The following PRR16 variants were observed in gnomAD, a reference collection of about 807,000 sequenced individuals.
PRR16 encodes proline rich 16, also known as protein Largen.
PRR16 carries 6 observed loss-of-function variants against 18.2 expected under a neutral mutation model. That is an observed-to-expected ratio of 0.33 (90% CI 0.18 to 0.65). PRR16 has a LOEUF of 0.65. Among genes scored for constraint, PRR16 ranks in the 30% least tolerant of loss-of-function variants. The probability of loss-of-function intolerance (pLI) is 0.74; values close to 1 mark genes in which losing one functional copy is unlikely to be tolerated. For synonymous variants in PRR16, 151 were observed against 147.8 expected (o/e 1.02, Z -0.16); for missense variants, 412 against 376.6 (o/e 1.09, Z -0.78).
chr5:120,782,421 A>ATT, the PRR16 span, among the ~76,000 whole-genome samples: 1 of 152,218 alleles, frequency 6.6e-6, no homozygotes, highest in South Asian at 2.1e-4. Context: ...TTATCTTTCA[A>ATT]ATTGTGTTTT....
In PRR16 at chr5:120,677,668, G is replaced by A. The variant is rs551627374; in HGVS notation, c.160-8286G>A. 2.6e-5 allele frequency among the ~76,000 whole-genome samples: 4 copies of A among 152,104 alleles called. No homozygotes were observed. In the South Asian group the frequency reaches 8.3e-4, roughly 32 times the overall value. ...TTTTCTCTCCATTAAGTTTGTTATT[G>A]CAAATTCTTGTGGTTGAGAATTGTT... On this transcript the variant is annotated intron_variant, in intron 1 of 1. Coordinates refer to ENST00000407149, the MANE Select transcript of PRR16 (RefSeq NM_001300783.2).
chr5:120,638,000 G>A (rs983380176), intron 1 of PRR16, among the ~76,000 whole-genome samples: 1 of 151,988 alleles, frequency 6.6e-6, no homozygotes, highest in African/African-American at 2.4e-5. Context: ...TCAGATTTTG[G>A]AATATTTGTA....
rs1248605187 is a variant in PRR16, at chr5:120,464,506, G to C, written c.20G>C (p.Gly7Ala). Residue 7 changes from glycine to alanine, a missense_variant, in exon 1 of 2, where the codon GGG becomes GCG. By Grantham distance (60) the Gly-to-Ala change is moderately conservative (BLOSUM62 0). Transcript: ENST00000407149. Reference protein sequence around the residue: MSAKSKGNPSSSCPAEG... With the variant: MSAKSKANPSSSCPAEG... ...CAAAGAATGTCAGCCAAGTCCAAGG[G>C]GAACCCCTCCTCGTCCTGTCCAGCC... 1 of 1,591,236 alleles carries C rather than the reference G, an allele frequency of 6.3e-7. No homozygotes were observed. The highest frequency in any genetic ancestry group is 8.5e-7 in the Non-Finnish European group (1 of 1,176,868).
At chr5:120,783,473 T>C in the PRR16 span, among the ~76,000 whole-genome samples, 3 of 152,160 alleles carry the variant, frequency 2.0e-5, no homozygotes, top group African/African-American at 7.2e-5. Flanking sequence ...TTTTAAAAAC[T>C]GCATTGAGAT....
At chr5:120,764,729 G>A in the PRR16 span, among the ~76,000 whole-genome samples, 1 of 151,986 alleles carries the variant, frequency 6.6e-6, no homozygotes, top group Admixed American at 6.6e-5. Context: ...TCTTAATTAA[G>A]CACCTTATTA....
intron 1 of PRR16, among the ~76,000 whole-genome samples, chr5:120,596,050 C>A (rs536987821): frequency 6.6e-6 from 1 of 151,752 alleles, no homozygotes; most frequent in South Asian, 2.1e-4. Flanking sequence ...ATAGGACAGC[C>A]TTTTTATGAC....
At chr5:120,615,642 AACC>A (rs1754486542) in intron 1 of PRR16, among the ~76,000 whole-genome samples, 1 of 152,048 alleles carries the variant, frequency 6.6e-6, no homozygotes, top group South Asian at 2.1e-4. Flanking sequence ...TAAATGTTTT[AACC>A]ATAAAATTAA....
chr5:120,519,042 G>A (rs915714028), intron 1 of PRR16, among the ~76,000 whole-genome samples: 29 of 151,956 alleles, frequency 1.9e-4, no homozygotes, highest in Admixed American at 7.9e-4. Flanking sequence ...ATAAGCCTAC[G>A]ATTGAACCTT....
At chr5:120,482,284 T>C (rs917531621) in intron 1 of PRR16, among the ~76,000 whole-genome samples, 1 of 152,108 alleles carries the variant, frequency 6.6e-6, no homozygotes, top group Non-Finnish European at 1.5e-5. Flanking sequence ...TCCCGCTTCT[T>C]CTCTCCCCCC....
At chr5:120,617,828 T>C (rs1470538383) in intron 1 of PRR16, among the ~76,000 whole-genome samples, 1 of 152,168 alleles carries the variant, frequency 6.6e-6, no homozygotes, top group African/African-American at 2.4e-5. Flanking sequence ...TATGTGACCA[T>C]AAGAACGATC....
chr5:120,527,788 T>A lies in PRR16; in HGVS notation c.159+63143T>A, dbSNP rs535712598. Among the ~76,000 whole-genome samples the A allele has an allele frequency of 1.8e-4, 28 of 152,314 alleles. 1 individual carries two copies. The highest frequency in any genetic ancestry group is 1.5e-3 in the Admixed American group (23 of 15,296). On this transcript the variant is annotated intron_variant, in intron 1 of 1. Coordinates refer to ENST00000407149, the MANE Select transcript of PRR16 (RefSeq NM_001300783.2). Reference sequence around the variant, plus strand: ...AGTGTTCCCAGATATAGTGGCTGTTTTAGCAGAAGGGAGAGAATACATCAA... The same window carrying A: ...AGTGTTCCCAGATATAGTGGCTGTTATAGCAGAAGGGAGAGAATACATCAA...
intron 1 of PRR16, among the ~76,000 whole-genome samples, chr5:120,639,388 T>A (rs1012446100): frequency 2.0e-5 from 3 of 152,148 alleles, no homozygotes; most frequent in Non-Finnish European, 4.4e-5. Context: ...AATCATATTC[T>A]ATTTTCTTTT....
chr5:120,750,566 C>A, the PRR16 span, among the ~76,000 whole-genome samples: 2 of 151,814 alleles, frequency 1.3e-5, no homozygotes, highest in Admixed American at 6.6e-5. Context: ...ACTGAGGAGG[C>A]TGAGGCAGGA....
intron 1 of PRR16, among the ~76,000 whole-genome samples, chr5:120,571,276 G>A (rs1000607931): frequency 7.9e-5 from 12 of 152,160 alleles, no homozygotes; most frequent in African/African-American, 2.9e-4. Context: ...GTGTTTATGA[G>A]TGAGCCATGT....
At chr5:120,513,671 A>G (rs1221060151) in intron 1 of PRR16, among the ~76,000 whole-genome samples, 3 of 152,038 alleles carry the variant, frequency 2.0e-5, no homozygotes, top group African/African-American at 7.2e-5. Flanking sequence ...ACTTGTTACA[A>G]ATTAGACTTA....
At chr5:120,601,656 T>C (rs1337540470) in intron 1 of PRR16, among the ~76,000 whole-genome samples, 1 of 152,056 alleles carries the variant, frequency 6.6e-6, no homozygotes, top group East Asian at 1.9e-4. Context: ...GTGTTTACCA[T>C]GGTGTTTCCT....
At chr5:120,627,362 A>G (rs1334161379) in intron 1 of PRR16, among the ~76,000 whole-genome samples, 2 of 152,124 alleles carry the variant, frequency 1.3e-5, no homozygotes, top group Non-Finnish European at 2.9e-5. Flanking sequence ...GCCATAGTAG[A>G]TATCATAGCT....
chr5:120,601,207 C>A (rs1362369305), intron 1 of PRR16, among the ~76,000 whole-genome samples: 1 of 151,958 alleles, frequency 6.6e-6, no homozygotes, highest in Admixed American at 6.6e-5. Flanking sequence ...TATAAGCATT[C>A]CCTCTTCTTC....
At chr5:120,623,777 G>A (rs1754765337) in intron 1 of PRR16, among the ~76,000 whole-genome samples, 1 of 151,980 alleles carries the variant, frequency 6.6e-6, no homozygotes, top group Admixed American at 6.6e-5. Flanking sequence ...GTTACACCGA[G>A]GAAAAGCAGA....
Sources: gnomAD v4.1 joint callset for allele counts (sites outside exome capture counted in the v4.1 genomes callset) on GRCh38, gnomAD v4.1.1 for gene constraint, MANE v1.5 for transcripts, NCBI Gene and HGNC (gene_info 2026-07-23, HGNC 2026-07-21) for gene names.